TMEM132B: variants seen among roughly 807,000 people sequenced by gnomAD.
TMEM132B encodes the protein transmembrane protein 132B.
Under a neutral mutation model 90.8 loss-of-function variants are expected in TMEM132B, and 18 were observed. That is an observed-to-expected ratio of 0.20 (90% CI 0.14 to 0.29). The LOEUF is 0.29. TMEM132B is among the 10% of genes least tolerant of loss of function. The pLI is 1.00. For missense variants in TMEM132B, 1,096 were observed against 1,326.8 expected, an observed-to-expected ratio of 0.83 and a Z score of 2.70; for synonymous variants, 504 against 523.3, an observed-to-expected ratio of 0.96 and a Z score of 0.50.
intron 5 of TMEM132B, among the ~76,000 whole-genome samples, chr12:125,630,435 A>G (rs542290701): frequency 1.9e-4 from 29 of 152,144 alleles, no homozygotes; most frequent in Non-Finnish European, 3.8e-4. Flanking sequence ...ATAGTTGCTT[A>G]TGGTAGCCAC....
chr12:125,548,514 A>G (rs1174344594), intron 4 of TMEM132B, among the ~76,000 whole-genome samples: 1 of 152,220 alleles, frequency 6.6e-6, no homozygotes, highest in Non-Finnish European at 1.5e-5. Flanking sequence ...TAAGGATTGA[A>G]GGATAAGACG....
intron 5 of TMEM132B, among the ~76,000 whole-genome samples, chr12:125,642,182 C>A (rs908519330): frequency 3.3e-5 from 5 of 152,100 alleles, no homozygotes; most frequent in African/African-American, 9.7e-5. Context: ...CCTTGAGTAC[C>A]TAAATGGATG....
chr12:125,380,744 A>G (rs914332473), intron 2 of TMEM132B, among the ~76,000 whole-genome samples: 2 of 152,182 alleles, frequency 1.3e-5, no homozygotes, highest in Non-Finnish European at 2.9e-5. Flanking sequence ...AAGCAAGAGG[A>G]ACGCAGCCCT....
intron 5 of TMEM132B, among the ~76,000 whole-genome samples, chr12:125,603,682 A>G (rs969539955): frequency 2.0e-5 from 3 of 152,228 alleles, no homozygotes; most frequent in African/African-American, 7.2e-5. Context: ...GAATGGGATA[A>G]ACTTTTTGCA....
rs186750190 is a variant in TMEM132B at position 125,658,321 on chromosome 12, A to G, written c.*3611A>G. Reference sequence around the variant, plus strand: ...GGTAGCATTCTTGTTTCATTATTTTAGAAAGGGGTCTTCCCATTACTGGGA... The same window carrying G: ...GGTAGCATTCTTGTTTCATTATTTTGGAAAGGGGTCTTCCCATTACTGGGA... On this transcript the variant is annotated 3_prime_UTR_variant, in exon 9 of 9. Coordinates refer to ENST00000682704, the MANE Select transcript of TMEM132B (RefSeq NM_001366854.1). 1.3e-5 allele frequency: 2 copies of G among 152,380 alleles called. No homozygotes were observed. The highest frequency in any genetic ancestry group is 4.8e-5 in the African/African-American group (2 of 41,596). 9.4% of individuals were successfully genotyped at this position (152,380 alleles called of 1,614,324 possible).
chr12:125,574,875 C>T (rs533064059), intron 4 of TMEM132B, among the ~76,000 whole-genome samples: 2 of 151,024 alleles, frequency 1.3e-5, no homozygotes, highest in Non-Finnish European at 3.0e-5. Flanking sequence ...CTGATGTTCC[C>T]AACACATGAA....
At chr12:125,248,148 A>C (rs527907526) in intron 1 of TMEM132B, among the ~76,000 whole-genome samples, 1 of 152,316 alleles carries the variant, frequency 6.6e-6, no homozygotes, top group East Asian at 1.9e-4. Context: ...TGTCACCTGC[A>C]GGCATTTTGA....
intron 4 of TMEM132B, among the ~76,000 whole-genome samples, chr12:125,574,930 A>G (rs1188654923): frequency 6.6e-6 from 1 of 150,450 alleles, no homozygotes; most frequent in Non-Finnish European, 1.5e-5. Context: ...AATAACATGG[A>G]ATCTTTTGTT....
At position 125,458,508 on chromosome 12, in the gene TMEM132B, G is replaced by A. The variant is rs1347587106; in HGVS notation, c.1106+42831G>A. On this transcript the variant is annotated intron_variant, in intron 3 of 8. Coordinates refer to ENST00000682704, the MANE Select transcript of TMEM132B (RefSeq NM_001366854.1). The surrounding 1 kb of genome is among the most constrained non-coding windows in gnomAD (Gnocchi z 4.9). ...CATTTGGTTTCAGTGGGGCCTTGCAGGTCCTGGGGAGCTGAGGGCTGCACA... is the reference window on the plus strand; with the variant it reads ...CATTTGGTTTCAGTGGGGCCTTGCAAGTCCTGGGGAGCTGAGGGCTGCACA... Among the ~76,000 whole-genome samples, 2 of 152,166 alleles carry A rather than the reference G, an allele frequency of 1.3e-5. No individual in the cohort carries two copies. Among genetic ancestry groups the A allele is most frequent in the Non-Finnish European group, 2.9e-5 (2 of 68,022 alleles).
At chr12:125,307,873 T>TTACAAGTATATATACTTATAA (rs1876029781) in intron 1 of TMEM132B, among the ~76,000 whole-genome samples, 1 of 56,484 alleles carries the variant, frequency 1.8e-5, no homozygotes, top group Non-Finnish European at 3.5e-5. Flanking sequence ...TATACTTATA[T>TTACAAGTATATATACTTATAA]TACTTATATA....
chr12:125,429,978 T>G (rs2136396606), intron 3 of TMEM132B, among the ~76,000 whole-genome samples: 1 of 152,220 alleles, frequency 6.6e-6, no homozygotes, highest in South Asian at 2.1e-4. Context: ...TATACAGATG[T>G]ATTTGGAATT....
chr12:125,526,245 G>A (rs1344571484), intron 4 of TMEM132B, among the ~76,000 whole-genome samples: 1 of 152,220 alleles, frequency 6.6e-6, no homozygotes, highest in Non-Finnish European at 1.5e-5. Flanking sequence ...GGTTTCAACT[G>A]AAGGCTCTTC....
At chr12:125,227,190 C>T in intron 1 of TMEM132B, among the ~76,000 whole-genome samples, 1 of 152,198 alleles carries the variant, frequency 6.6e-6, no homozygotes, top group Non-Finnish European at 1.5e-5. Context: ...TTCTGTGCCA[C>T]AGCACTGTCC....
Position 125,550,502 on chromosome 12 carries a change from C to T in TMEM132B, c.1293+30877C>T, listed in dbSNP as rs376878903. 7.5e-4 allele frequency among the ~76,000 whole-genome samples: 114 copies of T among 152,264 alleles called. 1 individual carries two copies. Among genetic ancestry groups the T allele is most frequent in the African/African-American group, 2.6e-3 (109 of 41,562 alleles). On this transcript the variant is annotated intron_variant, in intron 4 of 8. Coordinates refer to ENST00000682704, the MANE Select transcript of TMEM132B (RefSeq NM_001366854.1). ...GGCTGTACTCTGACTGATACATTAC[C>T]ATAGATAGTTAGGTACTAACATATG... is the stretch of plus-strand genomic sequence containing the variant.
chr12:125,326,777 A>G, intron 1 of TMEM132B: 1 of 1,238,642 alleles, frequency 8.1e-7, no homozygotes, highest in African/African-American at 1.5e-5. Flanking sequence ...TTTGCAGCAA[A>G]CTTCTTGAAA....
Position 125,508,735 on chromosome 12 carries a change from GTT to G in TMEM132B, c.1107-10702_1107-10701del, listed in dbSNP as rs890358725. On this transcript the variant is annotated intron_variant, in intron 3 of 8. Coordinates refer to ENST00000682704, the MANE Select transcript of TMEM132B (RefSeq NM_001366854.1). Reference sequence around the variant, plus strand: ...AAAAGTTTCCACTCAGAAGCAGACTGTTTGAAAAGTAATTAGAGTTTTCTTTT... The same window carrying G: ...AAAAGTTTCCACTCAGAAGCAGACTGTGAAAAGTAATTAGAGTTTTCTTTT... Among the ~76,000 whole-genome samples the G allele has an allele frequency of 2.0e-5, 3 of 150,094 alleles. No homozygotes were observed. In the Admixed American group the frequency reaches 2.0e-4, roughly 10 times the overall value.
chr12:125,644,163 T>A lies in TMEM132B; in HGVS notation c.1525T>A (p.Phe509Ile). The A allele has an allele frequency of 6.2e-7, 1 of 1,614,186 alleles. No homozygotes were observed. The highest frequency in any genetic ancestry group is 1.7e-5 in the Admixed American group (1 of 60,010). Residue 509 changes from phenylalanine to isoleucine, a missense_variant, in exon 6 of 9, where the codon TTC becomes ATC. Transcript: ENST00000682704. ...GATTGTGAACTTCACCCACCAGCACTTCACCTCCCAGTTCGAGGTCACTGT... is the reference window on the plus strand; with the variant it reads ...GATTGTGAACTTCACCCACCAGCACATCACCTCCCAGTTCGAGGTCACTGT... ...DTIVNFTHQH[F>I]TSQFEVTVWA...
intron 1 of TMEM132B, among the ~76,000 whole-genome samples, chr12:125,223,349 C>T (rs890500350): frequency 2.6e-5 from 4 of 152,180 alleles, no homozygotes; most frequent in African/African-American, 9.7e-5. Flanking sequence ...AAATGACTAC[C>T]TTCAACAGTT....
intron 1 of TMEM132B, among the ~76,000 whole-genome samples, chr12:125,288,074 A>G (rs1037349599): frequency 2.0e-5 from 3 of 148,232 alleles, no homozygotes; most frequent in African/African-American, 4.9e-5. Context: ...GGGTTTCACC[A>G]TGTTGGCCAG....
Sources: gnomAD v4.1 joint callset for allele counts (sites outside exome capture counted in the v4.1 genomes callset) on GRCh38, gnomAD v4.1.1 for gene constraint, Gnocchi (gnomAD v3.1) non-coding constraint, MANE v1.5 for transcripts, NCBI Gene and HGNC (gene_info 2026-07-23, HGNC 2026-07-21) for gene names.